Variants in DDAH1 observed in about 807,000 individuals in gnomAD.
DDAH1 encodes N(G),N(G)-dimethylarginine dimethylaminohydrolase 1.
A neutral mutation model predicts 28.8 loss-of-function variants in DDAH1; 19 were observed. That is an observed-to-expected ratio of 0.66 (90% CI 0.46 to 0.97). DDAH1 has a LOEUF of 0.97. Ranked by LOEUF, DDAH1 falls within the 50% of genes least tolerant of loss-of-function variation. DDAH1 has a pLI of 0.00. For synonymous variants in DDAH1, 153 were observed against 154.4 expected (o/e 0.99, Z 0.07); for missense variants, 326 against 375.9 (o/e 0.87, Z 1.10).
At chr1:85,338,455 T>A (rs1206304075) in intron 4 of DDAH1, among the ~76,000 whole-genome samples, 2 of 152,216 alleles carry the variant, frequency 1.3e-5, no homozygotes, top group African/African-American at 4.8e-5. Context: ...ATGACATTAT[T>A]CTGAATGATT....
intron 4 of DDAH1, among the ~76,000 whole-genome samples, chr1:85,347,219 G>A (rs560954652): frequency 5.4e-4 from 82 of 152,310 alleles, no homozygotes; most frequent in Non-Finnish European, 1.0e-3. Flanking sequence ...GATTCCTCAA[G>A]GATCTAGAAC....
At chr1:85,545,347 C>A (rs563576692) in intron 1 of DDAH1, among the ~76,000 whole-genome samples, 1 of 152,310 alleles carries the variant, frequency 6.6e-6, no homozygotes, top group Admixed American at 6.5e-5. Flanking sequence ...TGTATCATGA[C>A]AATAAGGCAC....
At chr1:85,565,156 T>C (rs1388586714) in intron 1 of DDAH1, among the ~76,000 whole-genome samples, 1 of 152,092 alleles carries the variant, frequency 6.6e-6, no homozygotes, top group East Asian at 1.9e-4. Flanking sequence ...GAGCCGAGAT[T>C]GTGCCACTGT....
intron 2 of DDAH1, among the ~76,000 whole-genome samples, chr1:85,492,687 T>A: frequency 1.3e-5 from 2 of 152,322 alleles, no homozygotes; most frequent in East Asian, 3.9e-4. Flanking sequence ...CAAACATATA[T>A]ACTTACACTG....
At chr1:85,349,458 AG>A (rs139853937) in intron 4 of DDAH1, among the ~76,000 whole-genome samples, 18,955 of 152,220 alleles carry the variant, frequency 0.12, 1,520 homozygotes, top group South Asian at 0.29. Flanking sequence ...TCTATGACTA[AG>A]AGGAACTTCT....
chr1:85,523,246 G>T (rs1294382952), intron 1 of DDAH1, among the ~76,000 whole-genome samples: 13 of 152,154 alleles, frequency 8.5e-5, no homozygotes, highest in African/African-American at 1.2e-4. Context: ...GATGAGGCAA[G>T]GGGACGCCTA....
intron 1 of DDAH1, among the ~76,000 whole-genome samples, chr1:85,556,010 T>C (rs1041826909): frequency 1.3e-5 from 2 of 152,186 alleles, no homozygotes; most frequent in Admixed American, 6.5e-5. Flanking sequence ...AACACAGATA[T>C]GAGTGGCGGG....
intron 1 of DDAH1, among the ~76,000 whole-genome samples, chr1:85,419,651 T>C (rs1278085445): frequency 6.6e-6 from 1 of 151,976 alleles, no homozygotes; most frequent in Non-Finnish European, 1.5e-5. Flanking sequence ...AAAGTTCCTA[T>C]ATGGACCTGC....
At chr1:85,515,020 C>CAA (rs556158680) in intron 1 of DDAH1, among the ~76,000 whole-genome samples, 1,021 of 44,190 alleles carry the variant, frequency 0.023, 17 homozygotes, top group Middle Eastern at 0.026. Context: ...CTAGAATACA[C>CAA]ACACACACAC....
upstream of DDAH1, among the ~76,000 whole-genome samples, chr1:85,468,200 C>T (rs1655452162): frequency 6.6e-6 from 1 of 152,202 alleles, no homozygotes; most frequent in African/African-American, 2.4e-5. Context: ...CTCTTGTTCA[C>T]TCAAAGTCTA....
intron 4 of DDAH1, among the ~76,000 whole-genome samples, chr1:85,348,407 T>G (rs542593200): frequency 6.6e-6 from 1 of 152,328 alleles, no homozygotes; most frequent in Non-Finnish European, 1.5e-5. Context: ...AGACCCAGAT[T>G]GCTCCCTCAC....
At chr1:85,531,908 G>T (rs1203732228) in intron 1 of DDAH1, among the ~76,000 whole-genome samples, 3 of 151,724 alleles carry the variant, frequency 2.0e-5, no homozygotes, top group Non-Finnish European at 4.4e-5. Flanking sequence ...CTGGAATTTA[G>T]ACTACTACTG....
intron 1 of DDAH1, among the ~76,000 whole-genome samples, chr1:85,418,836 G>C (rs1242888422): frequency 6.6e-6 from 1 of 152,156 alleles, no homozygotes; most frequent in East Asian, 1.9e-4. Flanking sequence ...CATAATCAAT[G>C]TTAGTGGTGG....
At chr1:85,325,378 C>A (rs556818973) in intron 4 of DDAH1, among the ~76,000 whole-genome samples, 1 of 152,182 alleles carries the variant, frequency 6.6e-6, no homozygotes, top group Non-Finnish European at 1.5e-5. Context: ...CACACACACA[C>A]GCTTTGCTCT....
At chr1:85,351,354 T>A in intron 3 of DDAH1, 152 bp downstream of exon 3, 1 of 657,074 alleles carries the variant, frequency 1.5e-6, no homozygotes, top group Non-Finnish European at 2.5e-6. Flanking sequence ...ATTTTATAGC[T>A]TCTAAAACTT....
intron 1 of DDAH1, among the ~76,000 whole-genome samples, chr1:85,549,890 C>A (rs539587278): frequency 9.1e-4 from 138 of 152,192 alleles, no homozygotes; most frequent in African/African-American, 2.7e-3. Flanking sequence ...AGTTTTATAT[C>A]ATTAACACTT....
intron 4 of DDAH1, among the ~76,000 whole-genome samples, chr1:85,340,840 G>A (rs1294456225): frequency 6.6e-6 from 1 of 152,072 alleles, no homozygotes; most frequent in Non-Finnish European, 1.5e-5. Context: ...ATTTGAAGCA[G>A]CCCCAACTTG....
At position 85,554,276 on chromosome 1, in the gene DDAH1, G is replaced by GTTTTTT. The variant is rs368410411; in HGVS notation, c.-123+23702_-123+23707dup. Among the ~76,000 whole-genome samples, 685 of 110,632 alleles carry GTTTTTT rather than the reference G, an allele frequency of 6.2e-3. 11 individuals carry two copies. The highest frequency in any genetic ancestry group is 0.02 in the African/African-American group (541 of 27,586). 72.6% of individuals were successfully genotyped at this position (110,632 alleles called of 152,430 possible). A position where few individuals can be genotyped will look rare whatever the true frequency, so the allele number is the denominator to read the frequency against. ...TTTTCCTAAAAAGGAAATTGTAAGA[G>GTTTTTT]TTTTTTTTTTTTTTTTTTTTTTAAT... On this transcript the variant is annotated intron_variant, in intron 1 of 6. Transcript: ENST00000426972.
At chr1:85,446,953 A>T (rs1654455678) in intron 1 of DDAH1, among the ~76,000 whole-genome samples, 1 of 152,200 alleles carries the variant, frequency 6.6e-6, no homozygotes, top group Admixed American at 6.5e-5. Context: ...GAAAGGATAT[A>T]GGACAGGCCA....
Sources: gnomAD v4.1 joint callset for allele counts (sites outside exome capture counted in the v4.1 genomes callset) on GRCh38, gnomAD v4.1.1 for gene constraint, MANE v1.5 for transcripts, NCBI Gene and HGNC (gene_info 2026-07-23, HGNC 2026-07-21) for gene names.